PPP1CC: variants seen among roughly 807,000 people sequenced by gnomAD.
The protein encoded by PPP1CC is protein phosphatase 1 catalytic subunit gamma.
PPP1CC carries 16 observed loss-of-function variants against 38.4 expected under a neutral mutation model. That is an observed-to-expected ratio of 0.42 (90% CI 0.28 to 0.63). The LOEUF (loss-of-function observed/expected upper bound fraction) is 0.63, where lower values mean the gene tolerates loss of function less well. Ranked by LOEUF, PPP1CC falls within the 30% of genes least tolerant of loss-of-function variation. PPP1CC has a pLI of 0.25. For synonymous variants in PPP1CC, 158 were observed against 136.0 expected (o/e 1.16, Z -1.13); for missense variants, 170 against 391.3 (o/e 0.43, Z 4.77).
At chr12:110,732,085 G>A (rs2069879185) in intron 1 of PPP1CC, 184 bp from the exon 2 acceptor site, 1 of 631,676 alleles carries the variant, frequency 1.6e-6, no homozygotes, top group Admixed American at 3.2e-5. Context: ...AGACTTAATT[G>A]CATCTTCGAT....
intron 3 of PPP1CC, among the ~76,000 whole-genome samples, chr12:110,729,400 G>A (rs748895719): frequency 4.6e-5 from 7 of 152,174 alleles, no homozygotes; most frequent in Admixed American, 2.6e-4. Context: ...TCCTCATGTT[G>A]GCCAGGACGG....
intron 2 of PPP1CC, among the ~76,000 whole-genome samples, chr12:110,730,988 A>C (rs1168116542): frequency 6.6e-6 from 1 of 152,258 alleles, no homozygotes; most frequent in Non-Finnish European, 1.5e-5. Flanking sequence ...AACCTCACAT[A>C]AAATTCAACT....
chr12:110,735,166 G>A (rs1346106143), intron 1 of PPP1CC, among the ~76,000 whole-genome samples: 1 of 150,970 alleles, frequency 6.6e-6, no homozygotes, highest in Non-Finnish European at 1.5e-5. Context: ...TGATTCTCCT[G>A]CCTCAGCCTC....
chr12:110,716,666 T>C (rs187231047), downstream of PPP1CC, among the ~76,000 whole-genome samples: 10 of 152,392 alleles, frequency 6.6e-5, no homozygotes, highest in South Asian at 6.2e-4. Context: ...GTTTTAACTT[T>C]TTGATTACAA....
rs2069751501 is a variant in PPP1CC at position 110,722,643 on chromosome 12, T to G, written c.576A>C (p.Pro192=). 4.3e-6 allele frequency: 7 copies of G among 1,613,946 alleles called. No individual in the cohort carries two copies. Among genetic ancestry groups the G allele is most frequent in the Non-Finnish European group, 5.9e-6 (7 of 1,180,034 alleles). ...SMEQIRRIMR[P]TDVPDQGLLC... is the part of the protein sequence containing the mutation. ...GAAGACCTTGATCTGGTACATCAGTTGGTCGCATAATTCGCCGAATCTGCT... is the reference window on the plus strand; with the variant it reads ...GAAGACCTTGATCTGGTACATCAGTGGGTCGCATAATTCGCCGAATCTGCT... Residue 192 remains proline, a synonymous_variant, in exon 5 of 7, where the codon CCA becomes CCC. Transcript: ENST00000335007. This position sits in a 1 kb window ranked among gnomAD's most constrained non-coding sequence, Gnocchi z 5.4.
At chr12:110,735,474 C>T in intron 1 of PPP1CC, among the ~76,000 whole-genome samples, 1 of 152,168 alleles carries the variant, frequency 6.6e-6, no homozygotes, top group East Asian at 1.9e-4. Context: ...ATCTGTTCTA[C>T]ATTGAACTTC....
chr12:110,727,532 C>T (rs1051405245), intron 3 of PPP1CC, among the ~76,000 whole-genome samples: 2 of 151,070 alleles, frequency 1.3e-5, no homozygotes, highest in African/African-American at 4.9e-5. Flanking sequence ...CAGACAGCTA[C>T]GGCAGCAGAA....
chr12:110,738,504 C>A (rs1006810219), intron 1 of PPP1CC, among the ~76,000 whole-genome samples: 4 of 152,184 alleles, frequency 2.6e-5, no homozygotes, highest in African/African-American at 9.7e-5. Flanking sequence ...CATCAGGAAT[C>A]CTCACCTAGT....
chr12:110,708,385 T>C, the PPP1CC span, among the ~76,000 whole-genome samples: 1 of 152,198 alleles, frequency 6.6e-6, no homozygotes, highest in East Asian at 1.9e-4. Flanking sequence ...CTGAAAGATA[T>C]ATATGACTCC....
downstream of PPP1CC, among the ~76,000 whole-genome samples, chr12:110,714,805 C>CAAAAAAAA (rs1164975036): frequency 1.1e-3 from 25 of 22,070 alleles, 1 homozygote; most frequent in Non-Finnish European, 2.0e-3. Flanking sequence ...GACTCTGTCT[C>CAAAAAAAA]AAAAAAAAAA....
chr12:110,738,202 G>A (rs181049339), intron 1 of PPP1CC, among the ~76,000 whole-genome samples: 44 of 152,178 alleles, frequency 2.9e-4, no homozygotes, highest in Middle Eastern at 3.4e-3. Flanking sequence ...GGAAGCTGGA[G>A]ATTTCAGACA....
rs368747699 is a variant in PPP1CC, at chr12:110,731,917, C to T, written c.56-16G>A. The T allele has an allele frequency of 1.0e-5, 16 of 1,608,012 alleles. No homozygotes were observed. The highest frequency in any genetic ancestry group is 5.0e-5 in the Admixed American group (3 of 59,674). ...GACCCTCTCACTGCAAGAGAAAAAT[C>T]GCAATTAGTCCAATGAAGCCAAAAT... On this transcript the variant is annotated splice_polypyrimidine_tract_variant and intron_variant, in intron 1 of 6. Transcript: ENST00000335007.
At chr12:110,727,967 A>G (rs2069820842) in intron 3 of PPP1CC, among the ~76,000 whole-genome samples, 1 of 152,230 alleles carries the variant, frequency 6.6e-6, no homozygotes, top group Non-Finnish European at 1.5e-5. Context: ...CTCTGCATTA[A>G]GTAGAAACCG....
chr12:110,731,211 C>T (rs2069868718), intron 2 of PPP1CC, among the ~76,000 whole-genome samples: 1 of 120,824 alleles, frequency 8.3e-6, no homozygotes, highest in South Asian at 3.0e-4. Context: ...CCACCCCCCA[C>T]CCATCAATGC....
chr12:110,735,948 C>T (rs2069938934), intron 1 of PPP1CC, among the ~76,000 whole-genome samples: 1 of 152,042 alleles, frequency 6.6e-6, no homozygotes, highest in Non-Finnish European at 1.5e-5. Context: ...ACCTGTAATC[C>T]CAGCTACTCG....
At chr12:110,710,522 T>G in the PPP1CC span, among the ~76,000 whole-genome samples, 2 of 150,704 alleles carry the variant, frequency 1.3e-5, no homozygotes, top group Admixed American at 6.6e-5. Context: ...ATTGAGACCA[T>G]CCTGGCTAAC....
chr12:110,726,539 C>CG (rs1490269920), intron 3 of PPP1CC: 1 of 152,194 alleles, frequency 6.6e-6, no homozygotes, highest in Non-Finnish European at 1.5e-5. Context: ...GAGTGAAACT[C>CG]CGTCTCAAAA....
chr12:110,730,482 ATATCT>A lies in PPP1CC; in HGVS notation c.418+42_418+46del, dbSNP rs2069859612. 2.9e-6 allele frequency: 4 copies of A among 1,364,426 alleles called. No homozygotes were observed. The African/African-American group carries it at 4.4e-5, about 15-fold the overall frequency. The allele number at this position is 1,364,426 out of a possible 1,614,324, so 84.5% of individuals were successfully genotyped here. A position where few individuals can be genotyped will look rare whatever the true frequency, so the allele number is the denominator to read the frequency against. Reference sequence around the variant, plus strand: ...AGTATGTGATAATTGTTTATGATAAATATCTTAATTTCAATAACTCTTCCTTAGAT... The same window carrying A: ...AGTATGTGATAATTGTTTATGATAAATAATTTCAATAACTCTTCCTTAGAT... On this transcript the variant is annotated intron_variant, in intron 3 of 6. Coordinates refer to ENST00000335007, the MANE Select transcript of PPP1CC (RefSeq NM_002710.4).
At chr12:110,711,495 C>T in the PPP1CC span, among the ~76,000 whole-genome samples, 2 of 152,076 alleles carry the variant, frequency 1.3e-5, no homozygotes, top group Admixed American at 6.5e-5. Flanking sequence ...GGTTAACTCT[C>T]GAGGGAGATG....
Sources: gnomAD v4.1 joint callset for allele counts (sites outside exome capture counted in the v4.1 genomes callset) on GRCh38, gnomAD v4.1.1 for gene constraint, Gnocchi (gnomAD v3.1) non-coding constraint, MANE v1.5 for transcripts, NCBI Gene and HGNC (gene_info 2026-07-23, HGNC 2026-07-21) for gene names.